Variants in IPO13 observed in about 807,000 individuals in gnomAD.
IPO13 encodes importin-13.
In IPO13, 28 loss-of-function variants were observed where a neutral mutation model predicts 115.5. That is an observed-to-expected ratio of 0.24 (90% confidence interval 0.18 to 0.33). The LOEUF is 0.33. IPO13 is among the 10% of genes least tolerant of loss of function. IPO13 has a pLI of 1.00. For missense variants in IPO13, 785 were observed against 1,204.6 expected (o/e 0.65, Z 5.16); for synonymous variants, 414 against 478.9 (o/e 0.86, Z 1.77).
chr1:43,961,993 A>C (rs987316656), intron 14 of IPO13, among the ~76,000 whole-genome samples: 4 of 152,072 alleles, frequency 2.6e-5, no homozygotes, highest in African/African-American at 4.8e-5. Context: ...TTGGAGAAAC[A>C]AAAACAAAAA....
chr1:43,957,129 TG>T, intron 5 of IPO13, 65 bp from the exon 6 acceptor site: 2 of 1,589,580 alleles, frequency 1.3e-6, no homozygotes, highest in Non-Finnish European at 1.7e-6. Context: ...GGTAGGCTCC[TG>T]GGCTTGGGGG....
intron 14 of IPO13, 150 bp from the exon 15 acceptor site, chr1:43,964,118 GT>G: frequency 1.7e-6 from 1 of 603,158 alleles, no homozygotes; most frequent in Non-Finnish European, 2.9e-6. Flanking sequence ...CCAGTTCATG[GT>G]TTTTGTATGT....
chr1:43,961,010 A>G lies in IPO13; in HGVS notation c.2244A>G (p.Arg748=), dbSNP rs1403048028. Residue 748 remains arginine, a synonymous_variant, in exon 13 of 20, where the codon CGA becomes CGG. Transcript: ENST00000372343. Reference sequence around the variant, plus strand: ...AGGCCTCTGCTCTTGACCTCACTCGACAGGTGGGCCTTCTGGTTGGGGCAG... The same window carrying G: ...AGGCCTCTGCTCTTGACCTCACTCGGCAGGTGGGCCTTCTGGTTGGGGCAG... ...IPQASALDLT[R]QLVHIFAHEP... The G allele has an allele frequency of 1.2e-6, 2 of 1,614,056 alleles. No individual in the cohort carries two copies. Among genetic ancestry groups the G allele is most frequent in the East Asian group, 2.2e-5 (1 of 44,876 alleles).
chr1:43,958,310 T>C lies in IPO13; in HGVS notation c.1749+42T>C. 6.2e-7 allele frequency: 1 copy of C among 1,613,206 alleles called. No individual in the cohort carries two copies. The highest frequency in any genetic ancestry group is 8.5e-7 in the Non-Finnish European group (1 of 1,179,160). ...TCTAGGGGTCTCCTTGGAGGTCTTGTGGGAATCACTTATCCCTGAAATCCT... is the reference window on the plus strand; with the variant it reads ...TCTAGGGGTCTCCTTGGAGGTCTTGCGGGAATCACTTATCCCTGAAATCCT... On this transcript the variant is annotated intron_variant, in intron 9 of 19. Transcript: ENST00000372343. The surrounding 1 kb of genome is among the most constrained non-coding windows in gnomAD (Gnocchi z 6.3).
chr1:43,948,550 A>G (rs922085523), intron 1 of IPO13, among the ~76,000 whole-genome samples: 1 of 152,212 alleles, frequency 6.6e-6, no homozygotes, highest in Non-Finnish European at 1.5e-5. Flanking sequence ...ACAAGGGCCA[A>G]TGGCCATAAC....
Position 43,956,704 on chromosome 1 carries a change from G to A in IPO13, c.1104+3G>A, listed in dbSNP as rs1456365096. 4 of 1,614,256 alleles carry A rather than the reference G, an allele frequency of 2.5e-6. No homozygotes were observed. In the East Asian group the frequency reaches 6.7e-5, roughly 27 times the overall value. On this transcript the variant is annotated splice_donor_region_variant and intron_variant, in intron 4 of 19. Coordinates refer to ENST00000372343, the MANE Select transcript of IPO13 (RefSeq NM_014652.4). This position sits in a 1 kb window ranked among gnomAD's most constrained non-coding sequence, Gnocchi z 4.7. ...TCACCTTCTGGTACACACTGCAGGT[G>A]TGTCTGTGTGACCTCCAGTAGGACT...
rs1361190364 is a variant in IPO13, at chr1:43,949,439, A to G, written c.107A>G (p.Asp36Gly). The G allele has an allele frequency of 2.5e-6, 4 of 1,610,810 alleles. No individual in the cohort carries two copies. The Admixed American group carries it at 5.0e-5, about 20-fold the overall frequency. The change falls in exon 2 of 20, where the codon GAT (aspartate) becomes GGT (glycine). Residue 36 changes from aspartate (D) to glycine (G), a missense_variant. Physicochemically the swap from Asp to Gly is moderately conservative, Grantham distance 94. Around this residue, in one of 3 missense-constraint regions of IPO13, gnomAD observed 325 missense variants for 449.8 expected, o/e 0.72. Transcript: ENST00000372343. ...CAGGCGCTGCACCAGCTCTACTATG[A>G]TCCCAACATTGAGAATAAGAACCTG... ...VEKALHQLYYDPNIENKNLAQ... is the reference protein window; with the variant it reads ...VEKALHQLYYGPNIENKNLAQ...
Position 43,958,592 on chromosome 1 carries a change from G to C in IPO13, c.1881G>C (p.Glu627Asp), listed in dbSNP as rs1187607585. The C allele has an allele frequency of 6.2e-7, 1 of 1,613,998 alleles. No individual in the cohort carries two copies. Among genetic ancestry groups the C allele is most frequent in the East Asian group, 2.2e-5 (1 of 44,892 alleles). Residue 627 changes from glutamate (E) to aspartate (D), a missense_variant, in exon 10 of 20, where the codon GAG becomes GAC. Physicochemically the swap from Glu to Asp is conservative, Grantham distance 45. This residue lies in a region of IPO13 where 175 missense variants were observed against 360.0 expected (regional missense o/e 0.49). Transcript: ENST00000372343. The surrounding 1 kb of genome is among the most constrained non-coding windows in gnomAD (Gnocchi z 6.3). ...YIQQLEKLAE[E>D]IPNPSNKLAI... ...AGCAACTGGAGAAGCTGGCAGAGGA[G>C]ATAGTGAGTGAGCTCTGGGGGCCAG...
intron 2 of IPO13, among the ~76,000 whole-genome samples, chr1:43,951,619 G>A (rs1360940729): frequency 1.3e-5 from 2 of 152,154 alleles, no homozygotes; most frequent in Non-Finnish European, 2.9e-5. Flanking sequence ...TCCTGAAGAC[G>A]ATATAAAGAT....
chr1:43,959,241 G>A (rs1354672619), intron 11 of IPO13, among the ~76,000 whole-genome samples: 1 of 152,136 alleles, frequency 6.6e-6, no homozygotes, highest in Non-Finnish European at 1.5e-5. Flanking sequence ...AGCTCTGTAG[G>A]GCCTTCTACT....
Position 43,956,556 on chromosome 1 carries a change from C to T in IPO13, c.963-4C>T. ...AAGGTAGAATGACCTGACTCTCTCC[C>T]CAGGGCCTTGCTGGACCAAGTAGAG... On this transcript the variant is annotated splice_polypyrimidine_tract_variant and splice_region_variant and intron_variant, in intron 3 of 19. Transcript: ENST00000372343. This position sits in a 1 kb window ranked among gnomAD's most constrained non-coding sequence, Gnocchi z 4.7. 1 of 1,614,198 alleles carries T rather than the reference C, an allele frequency of 6.2e-7. No individual in the cohort carries two copies. Among genetic ancestry groups the T allele is most frequent in the Non-Finnish European group, 8.5e-7 (1 of 1,180,014 alleles).
At position 43,958,960 on chromosome 1, in the gene IPO13, C is replaced by T; in HGVS notation, c.2028+71C>T. On this transcript the variant is annotated intron_variant, in intron 11 of 19. Coordinates refer to ENST00000372343, the MANE Select transcript of IPO13 (RefSeq NM_014652.4). The surrounding 1 kb of genome is among the most constrained non-coding windows in gnomAD (Gnocchi z 6.3). ...CCCCAACCCCCACCTGTGGGAATGT[C>T]ATTGTCACTCTTCAATTCTGTGGGT... 2 of 1,396,452 alleles carry T rather than the reference C, an allele frequency of 1.4e-6. No individual in the cohort carries two copies. Among genetic ancestry groups the T allele is most frequent in the Non-Finnish European group, 2.0e-6 (2 of 993,732 alleles). 86.5% of individuals were successfully genotyped at this position (1,396,452 alleles called of 1,614,324 possible).
In IPO13 at chr1:43,966,622, C is replaced by T. The variant is rs752200782; in HGVS notation, c.2445C>T (p.Val815=). 1 of 1,614,178 alleles carries T rather than the reference C, an allele frequency of 6.2e-7. No homozygotes were observed. The highest frequency in any genetic ancestry group is 1.1e-5 in the South Asian group (1 of 91,088). ...TGTTCCTGTGTGAACGATTGGATGTCAAAGCTGTGTTCCAGTGTGGTAAGT... is the reference window on the plus strand; with the variant it reads ...TGTTCCTGTGTGAACGATTGGATGTTAAAGCTGTGTTCCAGTGTGGTAAGT... The part of the protein sequence containing the change: ...PDLFLCERLD[V]KAVFQCAVLA... The change falls in exon 16 of 20, where the codon GTC becomes GTT. Residue 815 remains valine, a synonymous_variant. Coordinates refer to ENST00000372343, the MANE Select transcript of IPO13 (RefSeq NM_014652.4). This position sits in a 1 kb window ranked among gnomAD's most constrained non-coding sequence, Gnocchi z 4.1.
At chr1:43,964,206 T>C in intron 14 of IPO13, 63 bp from the exon 15 acceptor site, 1 of 1,133,194 alleles carries the variant, frequency 8.8e-7, no homozygotes, top group East Asian at 2.3e-5. Context: ...CCCACATAAC[T>C]ATATGAGGTT....
At chr1:43,962,881 C>T (rs960285593) in intron 14 of IPO13, among the ~76,000 whole-genome samples, 2 of 152,246 alleles carry the variant, frequency 1.3e-5, no homozygotes, top group Non-Finnish European at 2.9e-5. Context: ...AGTTTCTTCT[C>T]TCTGCATCCC....
chr1:43,957,419 C>T lies in IPO13; in HGVS notation c.1410C>T (p.Leu470=), dbSNP rs766557306. The T allele has an allele frequency of 6.2e-7, 1 of 1,614,234 alleles. No homozygotes were observed. Among genetic ancestry groups the T allele is most frequent in the Non-Finnish European group, 8.5e-7 (1 of 1,180,044 alleles). ...TTCCCCAGCACACAGAGGCCCTCCT[C>T]TACGGCTTCCAATCCATCGCAGAGA... is the stretch of plus-strand genomic sequence containing the variant. The part of the protein sequence containing the change: ...PYSWQHTEAL[L]YGFQSIAETI... The change falls in exon 7 of 20, where the codon CTC becomes CTT. Residue 470 remains leucine (L), a synonymous_variant. Transcript: ENST00000372343.
intron 6 of IPO13, 29 bp from the exon 7 acceptor site, chr1:43,957,373 T>G: frequency 1.2e-6 from 2 of 1,613,578 alleles, no homozygotes; most frequent in Non-Finnish European, 1.7e-6. Context: ...CTCCTCCTCA[T>G]CCAAGCCAGT....
In IPO13 at chr1:43,947,584, C is replaced by A; in HGVS notation, c.-17C>A. 1 of 1,274,814 alleles carries A rather than the reference C, an allele frequency of 7.8e-7. No homozygotes were observed. Among genetic ancestry groups the A allele is most frequent in the Non-Finnish European group, 1.0e-6 (1 of 993,946 alleles). 79.0% of individuals were successfully genotyped at this position (1,274,814 alleles called of 1,614,324 possible). ...AGACAGATCAGGGCCCACCTCCCTGCCAGGGAGGGAGCAAAGATGGAGCGG... is the reference window on the plus strand; with the variant it reads ...AGACAGATCAGGGCCCACCTCCCTGACAGGGAGGGAGCAAAGATGGAGCGG... On this transcript the variant is annotated 5_prime_UTR_variant, in exon 1 of 20. Transcript: ENST00000372343.
At position 43,957,116 on chromosome 1, in the gene IPO13, T is replaced by G. The variant is rs780368488; in HGVS notation, c.1272-79T>G. On this transcript the variant is annotated intron_variant, in intron 5 of 19. Coordinates refer to ENST00000372343, the MANE Select transcript of IPO13 (RefSeq NM_014652.4). ...TATTGTTGCAGAGTTGTGGGGGTACTGGGGTAGGCTCCTGGGCTTGGGGGC... is the reference window on the plus strand; with the variant it reads ...TATTGTTGCAGAGTTGTGGGGGTACGGGGGTAGGCTCCTGGGCTTGGGGGC... The G allele has an allele frequency of 4.1e-5, 65 of 1,577,968 alleles. No homozygotes were observed. In the East Asian group the frequency reaches 5.2e-4, roughly 13 times the overall value.
Sources: allele counts gnomAD v4.1 joint callset (sites outside exome capture counted in the v4.1 genomes callset), GRCh38; gene constraint gnomAD v4.1.1; regional missense constraint gnomAD v4.1.1; non-coding constraint Gnocchi (gnomAD v3.1); transcripts MANE v1.5; gene names NCBI Gene and HGNC (gene_info 2026-07-23, HGNC 2026-07-21).